The following UTP11 variants were observed in gnomAD, a reference collection of about 807,000 sequenced individuals.
UTP11 encodes the protein probable U3 small nucleolar RNA-associated protein 11.
In UTP11, 29 loss-of-function variants were observed where a neutral mutation model predicts 39.0. The ratio of observed to expected loss-of-function variants is 0.74; its 90% CI spans 0.55 to 1.01. The LOEUF is 1.01. Ranked by LOEUF, UTP11 falls within the 50% of genes least tolerant of loss-of-function variation. The pLI is 0.00. For missense variants in UTP11, 281 were observed against 306.0 expected (o/e 0.92, Z 0.61); for synonymous variants, 111 against 105.0 (o/e 1.06, Z -0.35).
chr1:38,021,698 G>A (rs959242972), intron 6 of UTP11, among the ~76,000 whole-genome samples: 3 of 152,112 alleles, frequency 2.0e-5, no homozygotes, highest in Admixed American at 6.6e-5. Flanking sequence ...TTCGAGACTA[G>A]CCTGGCCAAT....
chr1:38,019,611 G>A (rs1263909884), intron 6 of UTP11, among the ~76,000 whole-genome samples: 2 of 152,050 alleles, frequency 1.3e-5, no homozygotes, highest in Non-Finnish European at 2.9e-5. Context: ...AGCCTCCCCA[G>A]TAACTGGGAC....
chr1:38,020,547 T>A (rs1300748299), intron 6 of UTP11, among the ~76,000 whole-genome samples: 3 of 151,262 alleles, frequency 2.0e-5, no homozygotes, highest in African/African-American at 7.3e-5. Context: ...ACTGATTCAT[T>A]AAAAAAAAAT....
chr1:38,016,239 C>T (rs1313818189), intron 1 of UTP11, 120 bp from the exon 2 acceptor site: 2 of 1,000,768 alleles, frequency 2.0e-6, no homozygotes, highest in African/African-American at 3.2e-5. Context: ...CATGGGTTAG[C>T]TCCAAGGACT....
In UTP11 at chr1:38,023,617, C is replaced by T. The variant is rs778292832; in HGVS notation, c.751C>T (p.Arg251Ter). The change falls in exon 8 of 8, where the codon CGA (arginine) becomes TGA (stop). Residue 251 changes from arginine (R) to a stop codon, truncating the protein, a stop_gained. Transcript: ENST00000373014. LOFTEE classifies it high-confidence loss of function. ...SPAIYKFQSR[R>*]KR ...AGCTATTTATAAATTTCAGAGTCGTCGAAAACGTTGACGTGTTATAGATAA... is the reference window on the plus strand; with the variant it reads ...AGCTATTTATAAATTTCAGAGTCGTTGAAAACGTTGACGTGTTATAGATAA... 1.6e-5 allele frequency: 26 copies of T among 1,609,190 alleles called. No homozygotes were observed. Among genetic ancestry groups the T allele is most frequent in the African/African-American group, 5.4e-5 (4 of 74,746 alleles).
chr1:38,019,432 GTTTTTTTTTTGTT>G, intron 6 of UTP11, 49 bp downstream of exon 6: 21 of 1,042,882 alleles, frequency 2.0e-5, no homozygotes, highest in South Asian at 4.9e-5. Context: ...GAATCTAGGT[GTTTTTTTTTTGTT>G]TTTTTTTTTT....
chr1:38,019,432 GTTTTTTTTTTGTTTT>G, intron 6 of UTP11, 49 bp downstream of exon 6: 4 of 1,042,900 alleles, frequency 3.8e-6, no homozygotes, highest in Non-Finnish European at 3.8e-6. Context: ...GAATCTAGGT[GTTTTTTTTTTGTTTT>G]TTTTTTTTTG....
intron 2 of UTP11, chr1:38,017,422 G>A: frequency 2.8e-6 from 1 of 351,684 alleles, no homozygotes. Flanking sequence ...TATATAGGCT[G>A]GGGACAGTTA....
Position 38,023,546 on chromosome 1 carries a change from A to C in UTP11, c.680A>C (p.Asp227Ala). ...QKIQTRKDLM[D>A]KTQKVKVKKE... is the part of the protein sequence containing the mutation. Reference sequence around the variant, plus strand: ...GATCACCTTTTTACTCTTTTGTAGGATAAAACTCAGAAAGTGAAGGTGAAG... The same window carrying C: ...GATCACCTTTTTACTCTTTTGTAGGCTAAAACTCAGAAAGTGAAGGTGAAG... Residue 227 changes from aspartate (D) to alanine (A), a missense_variant and splice_region_variant, in exon 8 of 8, where the codon GAT becomes GCT. Transcript: ENST00000373014. 6.2e-7 allele frequency: 1 copy of C among 1,610,120 alleles called. No individual in the cohort carries two copies. Among genetic ancestry groups the C allele is most frequent in the Non-Finnish European group, 8.5e-7 (1 of 1,178,584 alleles).
At position 38,019,258 on chromosome 1, in the gene UTP11, C is replaced by T. The variant is rs1646723447; in HGVS notation, c.442C>T (p.Gln148Ter). The change falls in exon 6 of 8, where the codon CAG (glutamine) becomes TAG (stop). Residue 148 changes from glutamine (Q) to a stop codon, truncating the protein, a stop_gained. Coordinates refer to ENST00000373014, the MANE Select transcript of UTP11 (RefSeq NM_016037.4). LOFTEE classifies it high-confidence loss of function. ...AGGATTGTCTTGAATTTTAGTTGAA[C>T]AGTTTGATGTCGCAACTCACCTGCA... The part of the protein sequence containing the change: ...FFFDTKKEVE[Q>*]FDVATHLQTA... 6.2e-7 allele frequency: 1 copy of T among 1,614,054 alleles called. No individual in the cohort carries two copies. Among genetic ancestry groups the T allele is most frequent in the South Asian group, 1.1e-5 (1 of 91,080 alleles).
chr1:38,019,828 A>G (rs1165575577), intron 6 of UTP11, among the ~76,000 whole-genome samples: 2 of 152,130 alleles, frequency 1.3e-5, no homozygotes, highest in Non-Finnish European at 2.9e-5. Context: ...TTCCCTTAGA[A>G]AAGTGGATTT....
At chr1:38,013,980 G>A (rs1182847630) in intron 1 of UTP11, among the ~76,000 whole-genome samples, 1 of 152,226 alleles carries the variant, frequency 6.6e-6, no homozygotes. Context: ...CTCCCAAAGT[G>A]CTGGGATTAC....
intron 6 of UTP11, among the ~76,000 whole-genome samples, chr1:38,021,268 T>C (rs571711486): frequency 1.3e-5 from 2 of 152,280 alleles, no homozygotes; most frequent in South Asian, 4.1e-4. Flanking sequence ...TCTCAAGAAT[T>C]GTGGTAGTCC....
rs1557768239 is a variant in UTP11 at position 38,013,001 on chromosome 1, G to T, written c.63+136G>T. The T allele has an allele frequency of 4.6e-6, 5 of 1,091,140 alleles. No individual in the cohort carries two copies. In the South Asian group the frequency reaches 7.5e-5, roughly 16 times the overall value. The allele number at this position is 1,091,140 out of a possible 1,614,324, so 67.6% of individuals were successfully genotyped here. A position where few individuals can be genotyped will look rare whatever the true frequency, so the allele number is the denominator to read the frequency against. ...CACGTAAATGTATGTTAATGACGCT[G>T]GCGTGGCTGGGGCGGAGCTTCGTGG... On this transcript the variant is annotated intron_variant, in intron 1 of 7. Transcript: ENST00000373014.
At chr1:38,020,945 G>A (rs1014824968) in intron 6 of UTP11, among the ~76,000 whole-genome samples, 1 of 148,868 alleles carries the variant, frequency 6.7e-6, no homozygotes, top group Non-Finnish European at 1.5e-5. Context: ...TTTTTGAGAC[G>A]GAGTCTCACT....
chr1:38,019,546 C>T (rs918876026), intron 6 of UTP11, among the ~76,000 whole-genome samples, 163 bp downstream of exon 6: 2 of 150,816 alleles, frequency 1.3e-5, no homozygotes, highest in African/African-American at 2.4e-5. Flanking sequence ...TGCAGTGGCA[C>T]GATCTCGGCT....
At position 38,019,101 on chromosome 1, in the gene UTP11, C is replaced by T. The variant is rs761688381; in HGVS notation, c.385C>T (p.Gln129Ter). The stretch of plus-strand genomic sequence containing the variant: ...ATCAGAGCTCCATCTGCTGGATTTC[C>T]AGGGGAAGCAACAGAACAAGCATGT... The part of the protein sequence containing the change: ...LKSELHLLDF[Q>*]GKQQNKHVFF... Residue 129 changes from glutamine (Q) to a stop codon, truncating the protein, a stop_gained, in exon 5 of 8, where the codon CAG becomes TAG. Transcript: ENST00000373014. LOFTEE classifies it high-confidence loss of function. The T allele has an allele frequency of 3.5e-5, 57 of 1,613,610 alleles. No homozygotes were observed. The highest frequency in any genetic ancestry group is 4.5e-5 in the Non-Finnish European group (53 of 1,179,956).
intron 2 of UTP11, 118 bp downstream of exon 2, chr1:38,016,538 A>G: frequency 9.7e-7 from 1 of 1,032,718 alleles, no homozygotes; most frequent in Non-Finnish European, 1.5e-6. Flanking sequence ...TAAAATGGCC[A>G]AAGCTCTGGC....
chr1:38,022,761 G>T lies in UTP11; in HGVS notation c.630G>T (p.Lys210Asn). Residue 210 changes from lysine to asparagine, a missense_variant, in exon 7 of 8, where the codon AAG becomes AAT. Lys to Asn is a moderately conservative substitution (Grantham distance 94). Coordinates refer to ENST00000373014, the MANE Select transcript of UTP11 (RefSeq NM_016037.4). ...NCLTQRIERE[K>N]KLFVIAQKIQ... Reference sequence around the variant, plus strand: ...TGACACAGCGGATTGAACGAGAGAAGAAATTGTTCGTTATTGCTCAGAAAA... The same window carrying T: ...TGACACAGCGGATTGAACGAGAGAATAAATTGTTCGTTATTGCTCAGAAAA... 6.2e-7 allele frequency: 1 copy of T among 1,613,874 alleles called. No individual in the cohort carries two copies. The highest frequency in any genetic ancestry group is 8.5e-7 in the Non-Finnish European group (1 of 1,179,928).
At chr1:38,020,221 C>T (rs1646728688) in intron 6 of UTP11, among the ~76,000 whole-genome samples, 1 of 152,130 alleles carries the variant, frequency 6.6e-6, no homozygotes, top group South Asian at 2.1e-4. Context: ...CCTGCCTCAG[C>T]CTCCTGGGTA....
Sources: allele counts gnomAD v4.1 joint callset (sites outside exome capture counted in the v4.1 genomes callset), GRCh38; gene constraint gnomAD v4.1.1; transcripts MANE v1.5; gene names NCBI Gene and HGNC (gene_info 2026-07-23, HGNC 2026-07-21).